NELL2: variants seen among roughly 807,000 people sequenced by gnomAD.
NELL2 encodes neural EGFL like 2.
In NELL2, 41 loss-of-function variants were observed where a neutral mutation model predicts 109.6. The observed-to-expected ratio is 0.37, with a 90% CI of 0.29 to 0.49. The LOEUF (loss-of-function observed/expected upper bound fraction) is 0.49. NELL2 is among the 20% of genes least tolerant of loss of function. The probability of loss-of-function intolerance (pLI) is 0.98; values close to 1 mark genes in which losing one functional copy is unlikely to be tolerated. For missense variants in NELL2, 900 were observed against 1,008.3 expected, an observed-to-expected ratio of 0.89 and a Z score of 1.45; for synonymous variants, 355 against 344.7, an observed-to-expected ratio of 1.03 and a Z score of -0.33.
At chr12:44,577,808 C>G (rs974867665) in intron 15 of NELL2, among the ~76,000 whole-genome samples, 3 of 152,038 alleles carry the variant, frequency 2.0e-5, no homozygotes, top group African/African-American at 7.2e-5. Context: ...CTAGCTCCAA[C>G]GGAACTAGCA....
At chr12:44,758,248 C>A (rs2136542556) in intron 9 of NELL2, among the ~76,000 whole-genome samples, 1 of 152,220 alleles carries the variant, frequency 6.6e-6, no homozygotes, top group South Asian at 2.1e-4. Flanking sequence ...TCTTAAGTCA[C>A]CCTGAGTGAA....
chr12:44,858,835 T>C (rs1012656226), intron 2 of NELL2, among the ~76,000 whole-genome samples: 1 of 152,194 alleles, frequency 6.6e-6, no homozygotes, highest in East Asian at 1.9e-4. Flanking sequence ...CTGATGCAGG[T>C]GGATACATTT....
At chr12:44,686,256 T>C (rs1005651709) in intron 12 of NELL2, among the ~76,000 whole-genome samples, 1 of 152,246 alleles carries the variant, frequency 6.6e-6, no homozygotes, top group Admixed American at 6.5e-5. Context: ...GCCTTGGTTT[T>C]CAGCTCCATC....
chr12:44,688,818 A>G (rs1348791482), intron 12 of NELL2, among the ~76,000 whole-genome samples: 5 of 152,218 alleles, frequency 3.3e-5, no homozygotes, highest in Non-Finnish European at 7.3e-5. Flanking sequence ...GACTATGTAC[A>G]AGGAATGTGT....
At chr12:44,633,913 G>A (rs1243985389) in intron 13 of NELL2, among the ~76,000 whole-genome samples, 1 of 152,036 alleles carries the variant, frequency 6.6e-6, no homozygotes, top group African/African-American at 2.4e-5. Flanking sequence ...AACCATTCCT[G>A]TAAAATTCTT....
chr12:44,606,398 A>C (rs1945401913), intron 15 of NELL2, among the ~76,000 whole-genome samples: 1 of 152,148 alleles, frequency 6.6e-6, no homozygotes, highest in Admixed American at 6.5e-5. Context: ...CAGTGGCAGA[A>C]GCTTTCTTTT....
At chr12:44,856,467 G>A (rs1386643377) in intron 2 of NELL2, among the ~76,000 whole-genome samples, 1 of 152,180 alleles carries the variant, frequency 6.6e-6, no homozygotes, top group Non-Finnish European at 1.5e-5. Flanking sequence ...GGAGGTAAAA[G>A]ACAAGTTGAA....
chr12:44,687,368 G>C (rs1948757900), intron 12 of NELL2, among the ~76,000 whole-genome samples: 1 of 152,190 alleles, frequency 6.6e-6, no homozygotes, highest in Non-Finnish European at 1.5e-5. Flanking sequence ...CCCGTCTTCT[G>C]TGTCCCTCAC....
intron 15 of NELL2, among the ~76,000 whole-genome samples, chr12:44,603,757 A>G (rs1592192239): frequency 6.6e-6 from 1 of 152,282 alleles, no homozygotes; most frequent in Non-Finnish European, 1.5e-5. Context: ...CATTCCTACT[A>G]AGATACACAT....
At chr12:44,799,790 C>A (rs1314314564) in intron 3 of NELL2, among the ~76,000 whole-genome samples, 1 of 152,002 alleles carries the variant, frequency 6.6e-6, no homozygotes, top group Non-Finnish European at 1.5e-5. Context: ...TGGGGTGTCA[C>A]CCTACTTTAA....
intron 13 of NELL2, among the ~76,000 whole-genome samples, chr12:44,662,804 T>A (rs956220756): frequency 6.6e-6 from 1 of 152,036 alleles, no homozygotes; most frequent in African/African-American, 2.4e-5. Flanking sequence ...ACTTTGAGAG[T>A]CTGCTGGGAG....
Position 44,604,088 on chromosome 12 carries a change from T to C in NELL2, c.1663+3081A>G, listed in dbSNP as rs114117516. Among the ~76,000 whole-genome samples, 323 of 152,232 alleles carry C rather than the reference T, an allele frequency of 2.1e-3. 1 individual carries two copies. The highest frequency in any genetic ancestry group is 7.6e-3 in the African/African-American group (315 of 41,542). ...GTCTTCACTGTTAAAGACAACAGGT[T>C]GAAGGGGGCATAACAAAAGGCAGAG... On this transcript the variant is annotated intron_variant, in intron 15 of 19. Transcript: ENST00000429094.
intron 13 of NELL2, among the ~76,000 whole-genome samples, chr12:44,651,605 T>C (rs1947300976): frequency 6.6e-6 from 1 of 152,184 alleles, no homozygotes. Flanking sequence ...TGGGGTTTAT[T>C]TCAGTGTGAC....
At chr12:44,612,783 C>A (rs1230393574) in intron 13 of NELL2, among the ~76,000 whole-genome samples, 1 of 152,032 alleles carries the variant, frequency 6.6e-6, no homozygotes, top group Non-Finnish European at 1.5e-5. Context: ...TAAAACAGAG[C>A]TGCTGATTGA....
In NELL2 at chr12:44,816,091, A is replaced by G; in HGVS notation, c.230T>C (p.Phe77Ser). 6.2e-7 allele frequency: 1 copy of G among 1,613,468 alleles called. No homozygotes were observed. ...ATGTTTATTTCTCAGCTTCTGAAAA[A>G]ACTGTTCAGCTGTAGCAGTGGATGC... ...IKASTATAEQ[F>S]FQKLRNKHEF... Residue 77 changes from phenylalanine to serine, a missense_variant, in exon 3 of 20, where the codon TTT becomes TCT. Physicochemically the swap from Phe to Ser is radical, Grantham distance 155. Coordinates refer to ENST00000429094, the MANE Select transcript of NELL2 (RefSeq NM_001145108.2).
At chr12:44,581,218 G>A (rs539665475) in intron 15 of NELL2, among the ~76,000 whole-genome samples, 53 of 152,154 alleles carry the variant, frequency 3.5e-4, no homozygotes, top group South Asian at 2.9e-3. Flanking sequence ...CTAATTGGAC[G>A]GCTACTTTTG....
chr12:44,813,434 A>G (rs1943243006), intron 3 of NELL2, among the ~76,000 whole-genome samples: 1 of 152,228 alleles, frequency 6.6e-6, no homozygotes, highest in Non-Finnish European at 1.5e-5. Flanking sequence ...ATAAATTCAT[A>G]GACATTGACA....
At chr12:44,703,959 AT>A (rs1339500184) in intron 11 of NELL2, 105 bp from the exon 12 acceptor site, 3 of 920,042 alleles carry the variant, frequency 3.3e-6, no homozygotes, top group Non-Finnish European at 4.8e-6. Flanking sequence ...TCCCTAAATA[AT>A]TTTTTAATTA....
intron 13 of NELL2, among the ~76,000 whole-genome samples, chr12:44,638,047 C>T (rs1210134372): frequency 6.6e-6 from 1 of 152,034 alleles, no homozygotes; most frequent in Non-Finnish European, 1.5e-5. Context: ...CTTCATTCTT[C>T]CAGTAACTCT....
Sources: allele counts gnomAD v4.1 joint callset (sites outside exome capture counted in the v4.1 genomes callset), GRCh38; gene constraint gnomAD v4.1.1; transcripts MANE v1.5; gene names NCBI Gene and HGNC (gene_info 2026-07-23, HGNC 2026-07-21).